SLC4A10: variants seen among roughly 807,000 people sequenced by gnomAD.
The protein encoded by SLC4A10 is solute carrier family 4 member 10.
Under a neutral mutation model 137.7 loss-of-function variants are expected in SLC4A10, and 42 were observed. The observed-to-expected ratio is 0.30, with a 90% CI of 0.24 to 0.39. The LOEUF (loss-of-function observed/expected upper bound fraction) is 0.39. SLC4A10 is among the 10% of genes least tolerant of loss of function. The pLI is 1.00. For synonymous variants in SLC4A10, 474 were observed against 464.1 expected, an observed-to-expected ratio of 1.02 and a Z score of -0.27; for missense variants, 925 against 1,355.0, an observed-to-expected ratio of 0.68 and a Z score of 4.98.
In SLC4A10 at chr2:161,974,319, A is replaced by C; in HGVS notation, c.3227+3A>C. The C allele has an allele frequency of 6.3e-7, 1 of 1,598,550 alleles. No homozygotes were observed. The highest frequency in any genetic ancestry group is 8.5e-7 in the Non-Finnish European group (1 of 1,172,588). ...CTCCCATTGGAAGGGCACTATAGGT[A>C]AGACATAAATTTAAAAACACATCAA... is the stretch of plus-strand genomic sequence containing the variant. On this transcript the variant is annotated splice_donor_region_variant and intron_variant, in intron 24 of 26. Transcript: ENST00000446997.
intron 1 of SLC4A10, among the ~76,000 whole-genome samples, chr2:161,700,607 T>C (rs2043024782): frequency 6.6e-6 from 1 of 152,134 alleles, no homozygotes; most frequent in South Asian, 2.1e-4. Flanking sequence ...GCCTTATGTA[T>C]ACTGTCTTCT....
rs181723225 is a variant in SLC4A10 at position 161,763,694 on chromosome 2, G to A, written c.49-7279G>A. ...CAGGGGCTATGCCTCTCTTCTCCCA[G>A]GGTCCAACCCTCTGGCATGGTCTCT... On this transcript the variant is annotated intron_variant, in intron 1 of 26. Transcript: ENST00000446997. Among the ~76,000 whole-genome samples the A allele has an allele frequency of 3.3e-5, 5 of 152,256 alleles. No homozygotes were observed. The East Asian group carries it at 9.7e-4, about 29-fold the overall frequency.
chr2:161,918,219 A>C (rs1284591030), intron 15 of SLC4A10, among the ~76,000 whole-genome samples: 1 of 152,132 alleles, frequency 6.6e-6, no homozygotes, highest in Non-Finnish European at 1.5e-5. Context: ...GCAGCGGTGC[A>C]ATCTCAGCTC....
rs559146529 is a variant in SLC4A10, at chr2:161,879,053, G to A, written c.949-78G>A. 6 of 1,299,852 alleles carry A rather than the reference G, an allele frequency of 4.6e-6. No homozygotes were observed. The South Asian group carries it at 8.3e-5, about 18-fold the overall frequency. 80.5% of individuals were successfully genotyped at this position (1,299,852 alleles called of 1,614,324 possible). On this transcript the variant is annotated intron_variant, in intron 8 of 26. Transcript: ENST00000446997. ...TATATTTATTCATGGATTACTATAT[G>A]TGAAGCACTGTGCAAGAATATGATT...
intron 4 of SLC4A10, among the ~76,000 whole-genome samples, chr2:161,845,146 G>C (rs998033667): frequency 1.6e-4 from 24 of 152,100 alleles, no homozygotes; most frequent in African/African-American, 4.8e-4. Context: ...TCTTGAAACA[G>C]TGTCTGGTGT....
Position 161,786,011 on chromosome 2 carries a change from T to C in SLC4A10, c.130+14957T>C, listed in dbSNP as rs190266557. Reference sequence around the variant, plus strand: ...TTTAATGATCTGTCTAGTGCCATCATTGGGATGTTGAAGTCCTCCACTGTT... The same window carrying C: ...TTTAATGATCTGTCTAGTGCCATCACTGGGATGTTGAAGTCCTCCACTGTT... On this transcript the variant is annotated intron_variant, in intron 2 of 26. Transcript: ENST00000446997. 3.9e-5 allele frequency among the ~76,000 whole-genome samples: 6 copies of C among 152,030 alleles called. 1 individual carries two copies. The highest frequency in any genetic ancestry group is 4.1e-4 in the South Asian group (2 of 4,822).
chr2:161,873,492 C>T (rs113955997), intron 7 of SLC4A10, among the ~76,000 whole-genome samples: 1,665 of 130,564 alleles, frequency 0.013, 16 homozygotes, highest in Non-Finnish European at 0.02. Context: ...GGTCGTGTCA[C>T]TGCACTCCAG....
At chr2:161,823,676 A>G (rs1559332397) in intron 3 of SLC4A10, among the ~76,000 whole-genome samples, 1 of 152,238 alleles carries the variant, frequency 6.6e-6, no homozygotes, top group Non-Finnish European at 1.5e-5. Flanking sequence ...CAGATAACAT[A>G]AAAAGATGCA....
chr2:161,748,132 T>C (rs1197033889), intron 1 of SLC4A10, among the ~76,000 whole-genome samples: 1 of 152,182 alleles, frequency 6.6e-6, no homozygotes, highest in South Asian at 2.1e-4. Flanking sequence ...GTTTTTGCTA[T>C]TGAGTTGTGT....
intron 11 of SLC4A10, among the ~76,000 whole-genome samples, chr2:161,897,538 C>T (rs2063633502): frequency 6.6e-6 from 1 of 152,130 alleles, no homozygotes; most frequent in South Asian, 2.1e-4. Context: ...CTCAATTTCA[C>T]TGTCAATTTA....
At chr2:161,877,156 T>G (rs1389770507) in intron 8 of SLC4A10, among the ~76,000 whole-genome samples, 1 of 152,138 alleles carries the variant, frequency 6.6e-6, no homozygotes, top group African/African-American at 2.4e-5. Context: ...CAGTTATTTC[T>G]ATAATCACCA....
At chr2:161,686,904 A>ATTTTT in intron 1 of SLC4A10, among the ~76,000 whole-genome samples, 1 of 147,094 alleles carries the variant, frequency 6.8e-6, no homozygotes, top group African/African-American at 2.5e-5. Context: ...TTTTTTTGAG[A>ATTTTT]TGGAGTCTTG....
intron 3 of SLC4A10, among the ~76,000 whole-genome samples, chr2:161,825,315 A>T (rs143388846): frequency 1.1e-4 from 16 of 152,034 alleles, no homozygotes; most frequent in South Asian, 6.2e-4. Flanking sequence ...TCATCTTCCT[A>T]GCTCTAGTTT....
At chr2:161,691,261 A>T (rs190842948) in intron 1 of SLC4A10, among the ~76,000 whole-genome samples, 13 of 139,302 alleles carry the variant, frequency 9.3e-5, no homozygotes, top group Non-Finnish European at 1.5e-4. Flanking sequence ...ATAAAATTTA[A>T]TATTGCCTTG....
chr2:161,638,741 T>C (rs190364068), intron 1 of SLC4A10, among the ~76,000 whole-genome samples: 93 of 152,206 alleles, frequency 6.1e-4, no homozygotes, highest in African/African-American at 1.9e-3. Flanking sequence ...TATTAATTCT[T>C]CCAAATCATC....
At chr2:161,963,921 C>A (rs1697152458) in intron 21 of SLC4A10, among the ~76,000 whole-genome samples, 1 of 152,138 alleles carries the variant, frequency 6.6e-6, no homozygotes, top group Non-Finnish European at 1.5e-5. Context: ...AACCCGTCTC[C>A]ATATTCAAGA....
At chr2:161,771,266 C>T (rs928152249) in intron 2 of SLC4A10, among the ~76,000 whole-genome samples, 9 of 151,862 alleles carry the variant, frequency 5.9e-5, no homozygotes, top group South Asian at 2.1e-4. Context: ...ATCCAACAGA[C>T]ATTTATTGAA....
chr2:161,871,899 A>G (rs1402847152), intron 6 of SLC4A10, among the ~76,000 whole-genome samples: 1 of 152,214 alleles, frequency 6.6e-6, no homozygotes, highest in South Asian at 2.1e-4. Context: ...AATGCTTTAC[A>G]TTTTAAATTC....
chr2:161,715,535 T>C (rs1156688451), intron 1 of SLC4A10, among the ~76,000 whole-genome samples: 1 of 152,056 alleles, frequency 6.6e-6, no homozygotes, highest in African/African-American at 2.4e-5. Context: ...TGTGTGTTTT[T>C]CCCCTGCCTG....
Sources: gnomAD v4.1 joint callset for allele counts (sites outside exome capture counted in the v4.1 genomes callset) on GRCh38, gnomAD v4.1.1 for gene constraint, MANE v1.5 for transcripts, NCBI Gene and HGNC (gene_info 2026-07-23, HGNC 2026-07-21) for gene names.